The following RAB37 variants were observed in gnomAD, a reference collection of about 807,000 sequenced individuals.
The protein encoded by RAB37 is ras-related protein Rab-37.
A neutral mutation model predicts 33.1 loss-of-function variants in RAB37; 29 were observed. That is an observed-to-expected ratio of 0.88 (90% CI 0.65 to 1.20). The LOEUF (loss-of-function observed/expected upper bound fraction) is 1.20. Among genes scored for constraint, RAB37 ranks in the 50% most tolerant of loss-of-function variants. The pLI, the probability that RAB37 is intolerant of heterozygous loss-of-function variation, is 0.00. For missense variants in RAB37, 299 were observed against 301.1 expected, an observed-to-expected ratio of 0.99 and a Z score of 0.05; for synonymous variants, 128 against 119.5, an observed-to-expected ratio of 1.07 and a Z score of -0.47.
chr17:74,703,867 G>A (rs542407937), intron 1 of RAB37, among the ~76,000 whole-genome samples: 1 of 152,388 alleles, frequency 6.6e-6, no homozygotes, highest in Admixed American at 6.5e-5. Flanking sequence ...GCTCCCAGGA[G>A]TGTCTGCATT....
In RAB37 at chr17:74,744,768, C is replaced by A; in HGVS notation, c.433-105C>A. On this transcript the variant is annotated intron_variant, in intron 6 of 8. Transcript: ENST00000392613. The surrounding 1 kb of genome is among the most constrained non-coding windows in gnomAD (Gnocchi z 4.2). Reference sequence around the variant, plus strand: ...GGCCAATCACACCTGCCTGCAGTCCCTTGGGCCACCAGCAGAGGGCAGGCA... The same window carrying A: ...GGCCAATCACACCTGCCTGCAGTCCATTGGGCCACCAGCAGAGGGCAGGCA... 1.5e-6 allele frequency: 2 copies of A among 1,376,794 alleles called. No individual in the cohort carries two copies. Among genetic ancestry groups the A allele is most frequent in the Non-Finnish European group, 2.1e-6 (2 of 965,050 alleles). 85.3% of individuals were successfully genotyped at this position (1,376,794 alleles called of 1,614,324 possible).
intron 1 of RAB37, among the ~76,000 whole-genome samples, chr17:74,708,009 G>A (rs754654338): frequency 9.9e-5 from 15 of 151,768 alleles, no homozygotes; most frequent in South Asian, 4.2e-4. Flanking sequence ...TTAGCCTGGC[G>A]TGGTGGCACA....
At chr17:74,699,976 A>C (rs542535169) in intron 1 of RAB37, among the ~76,000 whole-genome samples, 2 of 151,812 alleles carry the variant, frequency 1.3e-5, no homozygotes, top group Admixed American at 6.6e-5. Context: ...CTCCGTCTCT[A>C]CCAAAAAATA....
intron 1 of RAB37, among the ~76,000 whole-genome samples, chr17:74,681,164 C>A (rs992980166): frequency 3.9e-5 from 6 of 152,226 alleles, no homozygotes; most frequent in South Asian, 2.1e-4. Context: ...CAGTGTGCCA[C>A]GTGGACCTTG....
chr17:74,701,873 G>A (rs1190258150), intron 1 of RAB37, among the ~76,000 whole-genome samples: 1 of 148,132 alleles, frequency 6.8e-6, no homozygotes, highest in Non-Finnish European at 1.5e-5. Context: ...AAAACAATTA[G>A]CTGGGTGTGG....
At chr17:74,674,280 C>T (rs1462218404) in intron 1 of RAB37, among the ~76,000 whole-genome samples, 7 of 150,532 alleles carry the variant, frequency 4.7e-5, no homozygotes, top group African/African-American at 1.7e-4. Flanking sequence ...CAGAGTTTCA[C>T]CATGTTGGCC....
At chr17:74,711,405 C>T (rs547419465) in intron 1 of RAB37, among the ~76,000 whole-genome samples, 1 of 152,198 alleles carries the variant, frequency 6.6e-6, no homozygotes, top group Admixed American at 6.5e-5. Flanking sequence ...TGTGCCAATG[C>T]ATTTCATAAC....
intron 1 of RAB37, among the ~76,000 whole-genome samples, chr17:74,723,365 A>G (rs2034266079): frequency 7.4e-6 from 1 of 134,780 alleles, no homozygotes; most frequent in Admixed American, 7.9e-5. Context: ...ACCCCTACAC[A>G]CACACCCCTA....
At position 74,695,646 on chromosome 17, in the gene RAB37, GC is replaced by G. The variant is rs2032376649; in HGVS notation, c.72+23991del. The G allele has an allele frequency of 5.0e-6, 8 of 1,597,590 alleles. No individual in the cohort carries two copies. The East Asian group carries it at 1.8e-4, about 36-fold the overall frequency. On this transcript the variant is annotated intron_variant, in intron 1 of 7. Coordinates refer to the RAB37 transcript ENST00000340415. ...TCTATGCCCACATGAGCAGGAGAAA[GC>G]CCACCCTCCAACGGGGTGCAACGGC... is the stretch of plus-strand genomic sequence containing the variant.
intron 1 of RAB37, among the ~76,000 whole-genome samples, chr17:74,678,213 C>T (rs867299010): frequency 1.3e-5 from 2 of 152,158 alleles, no homozygotes; most frequent in Non-Finnish European, 2.9e-5. Flanking sequence ...ATGTAGTTCC[C>T]AGCTGGGAGT....
At chr17:74,678,682 GAC>G (rs148139871) in intron 1 of RAB37, among the ~76,000 whole-genome samples, 18,793 of 147,364 alleles carry the variant, frequency 0.13, 2,715 homozygotes, top group African/African-American at 0.35. Context: ...CAGACACACA[GAC>G]ACACACACAC....
At chr17:74,722,345 G>A (rs550004235) in intron 1 of RAB37, among the ~76,000 whole-genome samples, 144 of 152,090 alleles carry the variant, frequency 9.5e-4, no homozygotes, top group South Asian at 1.9e-3. Context: ...CATGACTGGG[G>A]GCTGGCAAGT....
At chr17:74,723,302 G>T (rs967688467) in intron 1 of RAB37, among the ~76,000 whole-genome samples, 2 of 152,072 alleles carry the variant, frequency 1.3e-5, no homozygotes, top group Non-Finnish European at 2.9e-5. Context: ...ATGCTCAAAC[G>T]CAGTAACAAC....
At chr17:74,707,788 A>T (rs1238139415) in intron 1 of RAB37, among the ~76,000 whole-genome samples, 1 of 152,204 alleles carries the variant, frequency 6.6e-6, no homozygotes, top group Non-Finnish European at 1.5e-5. Context: ...ATAAACCATG[A>T]ATAAGATAAA....
intron 1 of RAB37, among the ~76,000 whole-genome samples, chr17:74,707,777 A>G (rs2033635173): frequency 6.6e-6 from 1 of 152,178 alleles, no homozygotes; most frequent in Admixed American, 6.5e-5. Context: ...TTAAAAAGTT[A>G]ATAAACCATG....
At chr17:74,694,164 T>G (rs574650628) in intron 1 of RAB37, 33 of 152,310 alleles carry the variant, frequency 2.2e-4, no homozygotes, top group Admixed American at 1.6e-3. Flanking sequence ...TAGGGTTCTC[T>G]GTCTGTAAAA....
intron 1 of RAB37, among the ~76,000 whole-genome samples, chr17:74,693,928 C>CAA (rs901064504): frequency 7.1e-6 from 1 of 140,616 alleles, no homozygotes; most frequent in Non-Finnish European, 1.6e-5. Context: ...GACTCTTTCT[C>CAA]AAAAAAAAAA....
rs530379549 is a variant in RAB37 at position 74,741,581 on chromosome 17, G to A, written c.205-673G>A. Among the ~76,000 whole-genome samples, 6 of 76,624 alleles carry A rather than the reference G, an allele frequency of 7.8e-5. No homozygotes were observed. In the South Asian group the frequency reaches 1.6e-3, roughly 21 times the overall value. The allele number at this position is 76,624 out of a possible 152,430, so 50.3% of individuals were successfully genotyped here. ...AGCCTGGGCAACAAAGTGAGACTGCGTCTCAGAAAAAAAAAAAAAAAAGAG... is the reference window on the plus strand; with the variant it reads ...AGCCTGGGCAACAAAGTGAGACTGCATCTCAGAAAAAAAAAAAAAAAAGAG... On this transcript the variant is annotated intron_variant, in intron 2 of 8. Coordinates refer to ENST00000392613, the MANE Select transcript of RAB37 (RefSeq NM_001006638.3).
At chr17:74,680,950 C>T (rs764993934) in intron 1 of RAB37, among the ~76,000 whole-genome samples, 101 of 152,174 alleles carry the variant, frequency 6.6e-4, no homozygotes, top group Non-Finnish European at 4.9e-4. Context: ...CCACCACCAC[C>T]CCTGTTCACA....
Sources: allele counts gnomAD v4.1 joint callset (sites outside exome capture counted in the v4.1 genomes callset), GRCh38; gene constraint gnomAD v4.1.1; non-coding constraint Gnocchi (gnomAD v3.1); transcripts MANE v1.5; gene names NCBI Gene and HGNC (gene_info 2026-07-23, HGNC 2026-07-21).